The following PTPN14 variants were observed in gnomAD, a reference collection of about 807,000 sequenced individuals.
PTPN14 encodes tyrosine-protein phosphatase non-receptor type 14.
In PTPN14, 53 loss-of-function variants were observed where a neutral mutation model predicts 126.8. That is an observed-to-expected ratio of 0.42 (90% CI 0.34 to 0.53). The LOEUF is 0.53. Ranked by LOEUF, PTPN14 falls within the 20% of genes least tolerant of loss-of-function variation. The pLI is 0.08. For synonymous variants in PTPN14, 630 were observed against 599.3 expected (o/e 1.05, Z -0.75); for missense variants, 1,257 against 1,552.9 (o/e 0.81, Z 3.20).
At chr1:214,403,788 T>G (rs1187428727) in intron 5 of PTPN14, among the ~76,000 whole-genome samples, 1 of 152,218 alleles carries the variant, frequency 6.6e-6, no homozygotes, top group Non-Finnish European at 1.5e-5. Flanking sequence ...GAGGTAGAGA[T>G]TCTAGAGTTT....
rs1658042101 is a variant in PTPN14 at position 214,364,781 on chromosome 1, G to A, written c.3272-106C>T. The stretch of plus-strand genomic sequence containing the variant: ...ACTGATGGTGAGTGTGTGTGTGTGT[G>A]TGTGTGTGTGTGTGTGTGTGTGTGT... On this transcript the variant is annotated intron_variant, in intron 17 of 18. Coordinates refer to ENST00000366956, the MANE Select transcript of PTPN14 (RefSeq NM_005401.5). This position sits in a 1 kb window ranked among gnomAD's most constrained non-coding sequence, Gnocchi z 4.1. 8.5e-6 allele frequency: 7 copies of A among 824,856 alleles called. No individual in the cohort carries two copies. Among genetic ancestry groups the A allele is most frequent in the Non-Finnish European group, 1.3e-5 (7 of 538,132 alleles). The allele number at this position is 824,856 out of a possible 1,614,324, so 51.1% of individuals were successfully genotyped here.
At chr1:214,524,092 T>TACCTGC (rs1655328877) in intron 1 of PTPN14, among the ~76,000 whole-genome samples, 1 of 151,868 alleles carries the variant, frequency 6.6e-6, no homozygotes. Context: ...TCGGGTGATC[T>TACCTGC]ACCTGCCTCG....
intron 10 of PTPN14, 85 bp from the exon 11 acceptor site, chr1:214,391,130 T>G: frequency 1.2e-4 from 98 of 851,090 alleles, no homozygotes; most frequent in Non-Finnish European, 1.4e-4. Context: ...AGGAAGAGAA[T>G]AAACAAGACT....
intron 1 of PTPN14, among the ~76,000 whole-genome samples, chr1:214,520,311 T>C (rs942616255): frequency 3.3e-5 from 5 of 151,926 alleles, no homozygotes; most frequent in African/African-American, 7.3e-5. Context: ...AATAAATATA[T>C]AGTAACAATA....
chr1:214,398,080 C>T (rs1259978199), intron 7 of PTPN14, 79 bp from the exon 8 acceptor site: 20 of 1,156,742 alleles, frequency 1.7e-5, no homozygotes, highest in Middle Eastern at 3.9e-4. Context: ...GATATGGAAT[C>T]GACCTGAGTG....
chr1:214,414,150 C>T (rs1404973952), intron 4 of PTPN14, among the ~76,000 whole-genome samples: 52 of 152,044 alleles, frequency 3.4e-4, no homozygotes, highest in Admixed American at 3.3e-3. Flanking sequence ...AAATTCAGTC[C>T]AATACACATT....
At chr1:214,442,239 T>C (rs1660050174) in intron 3 of PTPN14, among the ~76,000 whole-genome samples, 1 of 152,208 alleles carries the variant, frequency 6.6e-6, no homozygotes, top group South Asian at 2.1e-4. Context: ...TTTCAGATTT[T>C]GAAATATTTG....
At chr1:214,362,738 T>TA (rs1214549650) in intron 18 of PTPN14, among the ~76,000 whole-genome samples, 1 of 152,104 alleles carries the variant, frequency 6.6e-6, no homozygotes, top group Non-Finnish European at 1.5e-5. Context: ...TGGCCAGGCT[T>TA]ACGCCTGTAA....
chr1:214,436,353 T>C (rs1408079462), intron 3 of PTPN14, among the ~76,000 whole-genome samples: 1 of 152,106 alleles, frequency 6.6e-6, no homozygotes, highest in Non-Finnish European at 1.5e-5. Context: ...GACACACAAT[T>C]TACCTATATA....
chr1:214,387,298 G>T (rs543115099), intron 11 of PTPN14, among the ~76,000 whole-genome samples: 1 of 152,312 alleles, frequency 6.6e-6, no homozygotes, highest in South Asian at 2.1e-4. Flanking sequence ...GATTGACTGA[G>T]CTCAGGAGTT....
intron 1 of PTPN14, among the ~76,000 whole-genome samples, chr1:214,479,666 C>CA (rs1660943947): frequency 6.6e-6 from 1 of 151,802 alleles, no homozygotes; most frequent in African/African-American, 2.4e-5. Context: ...AAAAAACAAA[C>CA]AAAAAAAGAC....
chr1:214,388,375 C>T (rs183060385), intron 11 of PTPN14, among the ~76,000 whole-genome samples: 117 of 151,908 alleles, frequency 7.7e-4, no homozygotes, highest in African/African-American at 2.6e-3. Context: ...TGTAAGCCAC[C>T]GAACAGGATA....
At chr1:214,397,734 A>G (rs923072763) in intron 8 of PTPN14, among the ~76,000 whole-genome samples, 179 bp downstream of exon 8, 2 of 152,202 alleles carry the variant, frequency 1.3e-5, no homozygotes, top group Non-Finnish European at 2.9e-5. Context: ...ATGGGTTTCT[A>G]CGAAAAGTGA....
intron 1 of PTPN14, among the ~76,000 whole-genome samples, chr1:214,520,065 A>AAAAAAAAAAAAAAAAAAATATATATAT: frequency 8.4e-5 from 6 of 71,108 alleles, no homozygotes; most frequent in South Asian, 6.5e-4. Context: ...AAAAAAAAAA[A>AAAAAAAAAAAAAAAAAAATATATATAT]ATATATATAT....
At chr1:214,498,329 G>C (rs1654597710) in intron 1 of PTPN14, among the ~76,000 whole-genome samples, 1 of 152,160 alleles carries the variant, frequency 6.6e-6, no homozygotes, top group Non-Finnish European at 1.5e-5. Flanking sequence ...CTGAGTACAG[G>C]CTCTGCTATC....
chr1:214,368,418 C>G (rs912897642), intron 17 of PTPN14, among the ~76,000 whole-genome samples: 1 of 152,070 alleles, frequency 6.6e-6, no homozygotes, highest in South Asian at 2.1e-4. Flanking sequence ...CCACGCTGGT[C>G]TCAAACTCCT....
At chr1:214,550,701 G>C (rs1286096124) in intron 1 of PTPN14, among the ~76,000 whole-genome samples, 3 of 152,146 alleles carry the variant, frequency 2.0e-5, no homozygotes, top group African/African-American at 7.2e-5. Context: ...CTAGTGAGAG[G>C]GCAGGAAAAC....
At chr1:214,429,222 T>A (rs1659743613) in intron 3 of PTPN14, among the ~76,000 whole-genome samples, 3 of 152,168 alleles carry the variant, frequency 2.0e-5, no homozygotes. Flanking sequence ...TATATGCAAA[T>A]AAGAATAAAC....
At chr1:214,503,231 T>C (rs958903674) in intron 1 of PTPN14, among the ~76,000 whole-genome samples, 2 of 152,242 alleles carry the variant, frequency 1.3e-5, no homozygotes, top group Non-Finnish European at 2.9e-5. Context: ...CTAAGTACTT[T>C]ACAGGAACTC....
Sources: gnomAD v4.1 joint callset for allele counts (sites outside exome capture counted in the v4.1 genomes callset) on GRCh38, gnomAD v4.1.1 for gene constraint, Gnocchi (gnomAD v3.1) non-coding constraint, MANE v1.5 for transcripts, NCBI Gene and HGNC (gene_info 2026-07-23, HGNC 2026-07-21) for gene names.